Variants in KLF12 observed in about 807,000 individuals in gnomAD.
KLF12 encodes KLF transcription factor 12.
Under a neutral mutation model 37.8 loss-of-function variants are expected in KLF12, and 9 were observed. That is an observed-to-expected ratio of 0.24 (90% CI 0.14 to 0.42). The LOEUF is 0.42. Among genes scored for constraint, KLF12 ranks in the 10% least tolerant of loss-of-function variants. The probability of loss-of-function intolerance (pLI) is 1.00; values close to 1 mark genes in which losing one functional copy is unlikely to be tolerated. For missense variants in KLF12, 411 were observed against 516.0 expected (o/e 0.80, Z 1.97); for synonymous variants, 208 against 202.1 (o/e 1.03, Z -0.25).
intron 1 of KLF12, among the ~76,000 whole-genome samples, chr13:74,083,541 A>ACACAG (rs1566204110): frequency 8.0e-6 from 1 of 124,940 alleles, no homozygotes; most frequent in African/African-American, 3.2e-5. Flanking sequence ...CACACACACA[A>ACACAG]ACATTTAATA....
intron 3 of KLF12, among the ~76,000 whole-genome samples, chr13:73,854,313 GT>G (rs2138747872): frequency 6.6e-6 from 1 of 152,278 alleles, no homozygotes; most frequent in East Asian, 1.9e-4. Flanking sequence ...ATGCAATAAT[GT>G]TTATCATCCT....
At chr13:73,720,478 G>T (rs1465993453) in intron 6 of KLF12, among the ~76,000 whole-genome samples, 3 of 152,170 alleles carry the variant, frequency 2.0e-5, no homozygotes, top group African/African-American at 7.2e-5. Context: ...TTGTAACTGT[G>T]TTCCCAAATC....
intron 3 of KLF12, among the ~76,000 whole-genome samples, chr13:73,853,696 G>C (rs139263642): frequency 1.3e-5 from 2 of 150,670 alleles, no homozygotes; most frequent in Non-Finnish European, 2.9e-5. Context: ...CTGAGATTGC[G>C]CCACTGCACT....
intron 2 of KLF12, among the ~76,000 whole-genome samples, chr13:73,991,880 G>T (rs1891980082): frequency 6.6e-6 from 1 of 152,150 alleles, no homozygotes. Flanking sequence ...ACTTGGAAAA[G>T]AAATTTAAAG....
intron 3 of KLF12, among the ~76,000 whole-genome samples, chr13:73,898,169 A>G (rs1352223136): frequency 6.6e-6 from 1 of 152,038 alleles, no homozygotes; most frequent in Non-Finnish European, 1.5e-5. Flanking sequence ...CTTAATATAT[A>G]TTTCCTATGA....
the KLF12 span, among the ~76,000 whole-genome samples, chr13:74,206,720 G>A: frequency 2.0e-4 from 30 of 152,140 alleles, 1 homozygote; most frequent in Non-Finnish European, 2.8e-4. Flanking sequence ...TTCTCGCTGC[G>A]ACAGCATGCT....
chr13:74,237,346 CTT>C, the KLF12 span, among the ~76,000 whole-genome samples: 1 of 144,236 alleles, frequency 6.9e-6, no homozygotes, highest in East Asian at 1.9e-4. Flanking sequence ...TTACCGTAGC[CTT>C]GTAGTATAGT....
intron 6 of KLF12, among the ~76,000 whole-genome samples, chr13:73,724,212 TA>T (rs377258206): frequency 0.015 from 2,348 of 152,116 alleles, 53 homozygotes; most frequent in African/African-American, 0.053. Flanking sequence ...TATGCAGCCA[TA>T]AAAAAATGAG....
chr13:74,281,405 G>C, the KLF12 span, among the ~76,000 whole-genome samples: 5 of 152,132 alleles, frequency 3.3e-5, no homozygotes, highest in Admixed American at 2.6e-4. Context: ...AAAGTATTTT[G>C]GTGTGATAAG....
chr13:74,229,278 A>G, the KLF12 span, among the ~76,000 whole-genome samples: 2 of 152,218 alleles, frequency 1.3e-5, no homozygotes, highest in African/African-American at 4.8e-5. Context: ...CAAGATAAAA[A>G]TACATAATAA....
intron 1 of KLF12, among the ~76,000 whole-genome samples, chr13:74,107,554 G>A (rs777007936): frequency 5.9e-5 from 9 of 152,208 alleles, no homozygotes; most frequent in East Asian, 1.9e-4. Flanking sequence ...GTATTTGTGC[G>A]CATGCGCACA....
At chr13:73,856,196 G>A (rs1885598188) in intron 3 of KLF12, among the ~76,000 whole-genome samples, 1 of 152,188 alleles carries the variant, frequency 6.6e-6, no homozygotes, top group African/African-American at 2.4e-5. Flanking sequence ...AGGCAGAAAG[G>A]AGGACAACTG....
intron 6 of KLF12, among the ~76,000 whole-genome samples, chr13:73,762,508 C>G (rs766678809): frequency 7.9e-5 from 12 of 152,138 alleles, no homozygotes; most frequent in Admixed American, 4.6e-4. Flanking sequence ...GGCTTTTCTT[C>G]TTTTCCTGAA....
chr13:74,003,242 T>C (rs1892325770), intron 1 of KLF12, among the ~76,000 whole-genome samples: 1 of 152,184 alleles, frequency 6.6e-6, no homozygotes, highest in Admixed American at 6.5e-5. Context: ...TACACAAAGC[T>C]GAGTCTTGAA....
At chr13:74,125,712 GCAAA>G (rs1485173175) in intron 1 of KLF12, among the ~76,000 whole-genome samples, 2 of 152,108 alleles carry the variant, frequency 1.3e-5, no homozygotes, top group Non-Finnish European at 2.9e-5. Context: ...ACATATATCA[GCAAA>G]CAATTGACTT....
At chr13:74,170,148 C>A in the KLF12 span, among the ~76,000 whole-genome samples, 1 of 152,124 alleles carries the variant, frequency 6.6e-6, no homozygotes, top group Middle Eastern at 3.4e-3. Context: ...CTTCTAAAAG[C>A]GTAATTACGC....
the KLF12 span, among the ~76,000 whole-genome samples, chr13:74,246,721 G>A: frequency 6.6e-6 from 1 of 152,214 alleles, no homozygotes; most frequent in Non-Finnish European, 1.5e-5. Context: ...CTTTGTGCAG[G>A]AAGCCTCCAA....
chr13:74,210,034 A>G, the KLF12 span, among the ~76,000 whole-genome samples: 1 of 152,174 alleles, frequency 6.6e-6, no homozygotes, highest in Non-Finnish European at 1.5e-5. Flanking sequence ...AATTTTGTTA[A>G]TATTTATTTT....
chr13:74,107,628 A>G (rs1381268011), intron 1 of KLF12, among the ~76,000 whole-genome samples: 1 of 152,244 alleles, frequency 6.6e-6, no homozygotes, highest in African/African-American at 2.4e-5. Flanking sequence ...ACTAGAAATC[A>G]GGGAAAGCCA....
Sources: gnomAD v4.1 joint callset for allele counts (sites outside exome capture counted in the v4.1 genomes callset) on GRCh38, gnomAD v4.1.1 for gene constraint, MANE v1.5 for transcripts, NCBI Gene and HGNC (gene_info 2026-07-23, HGNC 2026-07-21) for gene names.